The following SEMA3C variants were observed in gnomAD, a reference collection of about 807,000 sequenced individuals.
SEMA3C encodes semaphorin 3C.
Under a neutral mutation model 89.4 loss-of-function variants are expected in SEMA3C, and 47 were observed. The ratio of observed to expected loss-of-function variants is 0.53; its 90% CI spans 0.42 to 0.67. SEMA3C has a LOEUF of 0.67. Among genes scored for constraint, SEMA3C ranks in the 30% least tolerant of loss-of-function variants. The pLI is 0.00. For missense variants in SEMA3C, 839 were observed against 929.1 expected (o/e 0.90, Z 1.26); for synonymous variants, 310 against 320.2 (o/e 0.97, Z 0.34).
upstream of SEMA3C, among the ~76,000 whole-genome samples, chr7:80,921,761 T>A (rs1323099146): frequency 6.6e-6 from 1 of 152,194 alleles, no homozygotes; most frequent in Non-Finnish European, 1.5e-5. Flanking sequence ...TGGTGCAGTA[T>A]CTTACACACT....
intron 12 of SEMA3C, among the ~76,000 whole-genome samples, chr7:80,768,392 T>C (rs1056760063): frequency 1.1e-4 from 16 of 151,938 alleles, no homozygotes; most frequent in African/African-American, 3.1e-4. Flanking sequence ...CAGGCGCCTG[T>C]AGTCCTAGCT....
intron 12 of SEMA3C, among the ~76,000 whole-genome samples, chr7:80,766,326 A>C (rs547060442): frequency 6.6e-6 from 1 of 152,330 alleles, no homozygotes; most frequent in East Asian, 1.9e-4. Context: ...ATGTCTCTCT[A>C]AAATAATAAC....
intron 14 of SEMA3C, 62 bp downstream of exon 14, chr7:80,761,554 T>C (rs1788182866): frequency 2.2e-6 from 2 of 906,130 alleles, no homozygotes; most frequent in South Asian, 1.5e-5. Flanking sequence ...TTATAAAATA[T>C]AATTTTTCAT....
chr7:80,886,005 G>T (rs1378414870), intron 2 of SEMA3C, among the ~76,000 whole-genome samples: 1 of 152,112 alleles, frequency 6.6e-6, no homozygotes, highest in East Asian at 1.9e-4. Flanking sequence ...AGTTTCAGTT[G>T]TCCCCTTTGA....
In SEMA3C at chr7:80,743,497, T is replaced by A. The variant is rs1178483648; in HGVS notation, c.*1397A>T. 1 of 151,870 alleles carries A rather than the reference T, an allele frequency of 6.6e-6. No individual in the cohort carries two copies. Among genetic ancestry groups the A allele is most frequent in the Non-Finnish European group, 1.5e-5 (1 of 67,832 alleles). The allele number at this position is 151,870 out of a possible 1,614,324, so 9.4% of individuals were successfully genotyped here. A position where few individuals can be genotyped will look rare whatever the true frequency, so the allele number is the denominator to read the frequency against. ...TTTGGATTAGGTACATGGTACAATA[T>A]CTGTTTTTACCTGGAAGCATGAAAA... On this transcript the variant is annotated 3_prime_UTR_variant, in exon 18 of 18. Coordinates refer to ENST00000265361, the MANE Select transcript of SEMA3C (RefSeq NM_006379.5).
At chr7:80,764,939 C>CTTAAGATAT (rs1788263027) in intron 13 of SEMA3C, among the ~76,000 whole-genome samples, 1 of 152,126 alleles carries the variant, frequency 6.6e-6, no homozygotes. Context: ...CAGAAAGAAT[C>CTTAAGATAT]CTTTTATCTT....
intron 15 of SEMA3C, among the ~76,000 whole-genome samples, chr7:80,754,366 A>G (rs1788007389): frequency 6.6e-6 from 1 of 152,164 alleles, no homozygotes; most frequent in Non-Finnish European, 1.5e-5. Context: ...CACAAAGAAA[A>G]TAGTTTTTTG....
At chr7:80,891,488 TG>T (rs1278271988) in intron 2 of SEMA3C, among the ~76,000 whole-genome samples, 2 of 151,906 alleles carry the variant, frequency 1.3e-5, no homozygotes, top group African/African-American at 4.8e-5. Flanking sequence ...TCAAACAATT[TG>T]AAATATACAT....
intron 2 of SEMA3C, among the ~76,000 whole-genome samples, chr7:80,866,653 T>C (rs2116024673): frequency 6.6e-6 from 1 of 152,278 alleles, no homozygotes; most frequent in Non-Finnish European, 1.5e-5. Flanking sequence ...TGTCTATGCA[T>C]TCCAAAGAAG....
Position 80,916,809 on chromosome 7 carries a change from A to G in SEMA3C, c.-28T>C. ...CTTCAGATATGCAAGTTAATATCCA[A>G]GGGAAAATACCTTTAAGAGAGAGAC... is the stretch of plus-strand genomic sequence containing the variant. On this transcript the variant is annotated 5_prime_UTR_variant, in exon 2 of 18. Transcript: ENST00000265361. 1 of 1,612,098 alleles carries G rather than the reference A, an allele frequency of 6.2e-7. No homozygotes were observed. The highest frequency in any genetic ancestry group is 2.2e-5 in the East Asian group (1 of 44,792).
chr7:80,794,971 T>C (rs1360767227), intron 11 of SEMA3C, among the ~76,000 whole-genome samples: 1 of 152,122 alleles, frequency 6.6e-6, no homozygotes, highest in Non-Finnish European at 1.5e-5. Flanking sequence ...CAGGGAACAT[T>C]AGAACGAGGG....
At chr7:80,760,425 C>T (rs1046540993) in intron 14 of SEMA3C, among the ~76,000 whole-genome samples, 2 of 152,212 alleles carry the variant, frequency 1.3e-5, no homozygotes, top group Admixed American at 1.3e-4. Flanking sequence ...TTGAGATCCA[C>T]TCCCTAGGAC....
At chr7:80,799,840 C>T (rs1327015261) in intron 10 of SEMA3C, among the ~76,000 whole-genome samples, 2 of 143,670 alleles carry the variant, frequency 1.4e-5, no homozygotes, top group Admixed American at 7.1e-5. Flanking sequence ...GGCAGCAGAG[C>T]GAGACCCAAT....
At chr7:80,798,723 T>C (rs1233444083) in intron 10 of SEMA3C, among the ~76,000 whole-genome samples, 1 of 152,206 alleles carries the variant, frequency 6.6e-6, no homozygotes, top group East Asian at 1.9e-4. Flanking sequence ...TGGAGAAGTC[T>C]ATGTTGTCAC....
chr7:80,786,453 G>C (rs892245184), intron 12 of SEMA3C, among the ~76,000 whole-genome samples: 26 of 151,108 alleles, frequency 1.7e-4, no homozygotes, highest in African/African-American at 5.8e-4. Flanking sequence ...TTTAAGACAG[G>C]CTTCACAAGA....
intron 2 of SEMA3C, among the ~76,000 whole-genome samples, chr7:80,851,892 T>C (rs1790522130): frequency 6.6e-6 from 1 of 152,190 alleles, no homozygotes. Flanking sequence ...ATTTTAGTTG[T>C]ATTTACATTA....
At chr7:80,868,196 C>T (rs941847835) in intron 2 of SEMA3C, among the ~76,000 whole-genome samples, 1 of 152,176 alleles carries the variant, frequency 6.6e-6, no homozygotes, top group Non-Finnish European at 1.5e-5. Context: ...TAATGGCAGA[C>T]TTGAGAAAGC....
chr7:80,744,920 T>C lies in SEMA3C; in HGVS notation c.2230A>G (p.Arg744Gly), dbSNP rs1362775434. The C allele has an allele frequency of 6.2e-7, 1 of 1,613,992 alleles. No homozygotes were observed. Among genetic ancestry groups the C allele is most frequent in the Non-Finnish European group, 8.5e-7 (1 of 1,179,982 alleles). ...ALINSRKSRN[R>G]RNQLPES ...TATGACTCTGGCAACTGATTCCTCCTGTTTCTACTTTTCCGACTATTGATG... is the reference window on the plus strand; with the variant it reads ...TATGACTCTGGCAACTGATTCCTCCCGTTTCTACTTTTCCGACTATTGATG... Residue 744 changes from arginine to glycine, a missense_variant, in exon 18 of 18, where the codon AGG (arginine) becomes GGG (glycine). Coordinates refer to ENST00000265361, the MANE Select transcript of SEMA3C (RefSeq NM_006379.5).
At chr7:80,906,921 AATTGATT>A (rs1792029192) in intron 2 of SEMA3C, among the ~76,000 whole-genome samples, 1 of 152,172 alleles carries the variant, frequency 6.6e-6, no homozygotes, top group Admixed American at 6.5e-5. Context: ...TATCATAGAA[AATTGATT>A]ATACCACTGT....
Sources: allele counts gnomAD v4.1 joint callset (sites outside exome capture counted in the v4.1 genomes callset), GRCh38; gene constraint gnomAD v4.1.1; transcripts MANE v1.5; gene names NCBI Gene and HGNC (gene_info 2026-07-23, HGNC 2026-07-21).